LPAR1: variants seen among roughly 807,000 people sequenced by gnomAD.
LPAR1 encodes lysophosphatidic acid receptor 1.
Under a neutral mutation model 23.8 loss-of-function variants are expected in LPAR1, and 5 were observed. The ratio of observed to expected loss-of-function variants is 0.21; its 90% CI spans 0.11 to 0.44. LPAR1 has a LOEUF of 0.44. LPAR1 is among the 20% of genes least tolerant of loss of function. LPAR1 has a pLI of 0.99. For synonymous variants in LPAR1, 160 were observed against 164.7 expected (o/e 0.97, Z 0.22); for missense variants, 311 against 482.8 (o/e 0.64, Z 3.33).
chr9:111,036,286 T>C (rs750705542), intron 1 of LPAR1, 85 bp from the exon 2 acceptor site: 2 of 151,484 alleles, frequency 1.3e-5, no homozygotes, highest in African/African-American at 2.4e-5. Context: ...CCCTAGTGCA[T>C]TAGCTAAGCA....
chr9:110,955,284 C>A (rs1028407137), intron 4 of LPAR1, among the ~76,000 whole-genome samples: 1 of 152,050 alleles, frequency 6.6e-6, no homozygotes, highest in Non-Finnish European at 1.5e-5. Context: ...AACACAAGTA[C>A]CTATACACAT....
intron 2 of LPAR1, among the ~76,000 whole-genome samples, chr9:111,003,471 C>G (rs890705678): frequency 2.0e-5 from 3 of 152,078 alleles, no homozygotes; most frequent in Non-Finnish European, 4.4e-5. Flanking sequence ...ATAGAGTGAA[C>G]CACAAATCAA....
At chr9:110,959,556 T>G (rs1320856597) in intron 4 of LPAR1, among the ~76,000 whole-genome samples, 1 of 151,968 alleles carries the variant, frequency 6.6e-6, no homozygotes, top group East Asian at 1.9e-4. Flanking sequence ...TGGTGGAGGT[T>G]GCAGTGAGCT....
intron 5 of LPAR1, among the ~76,000 whole-genome samples, chr9:110,920,547 C>T (rs1168339268): frequency 6.6e-6 from 1 of 152,054 alleles, no homozygotes; most frequent in Non-Finnish European, 1.5e-5. Flanking sequence ...CAGAGAATAA[C>T]AATCTTCTTT....
chr9:110,879,563 T>C (rs1166299145), intron 5 of LPAR1, among the ~76,000 whole-genome samples: 1 of 152,160 alleles, frequency 6.6e-6, no homozygotes, highest in Non-Finnish European at 1.5e-5. Flanking sequence ...CCAGCATACA[T>C]TCTCAACCCT....
At chr9:111,030,374 A>C (rs2097774456) in intron 2 of LPAR1, among the ~76,000 whole-genome samples, 1 of 152,224 alleles carries the variant, frequency 6.6e-6, no homozygotes, top group Admixed American at 6.5e-5. Flanking sequence ...ACAAAAGGCA[A>C]TTCTGTTTCA....
intron 5 of LPAR1, among the ~76,000 whole-genome samples, chr9:110,940,937 C>CA (rs1258423651): frequency 5.3e-5 from 8 of 152,268 alleles, no homozygotes; most frequent in African/African-American, 9.6e-5. Flanking sequence ...CTGTTTTGTT[C>CA]AGTAAATCTA....
At chr9:111,020,144 A>G (rs2097536086) in intron 2 of LPAR1, among the ~76,000 whole-genome samples, 1 of 152,228 alleles carries the variant, frequency 6.6e-6, no homozygotes, top group Non-Finnish European at 1.5e-5. Flanking sequence ...TTATCTCCAA[A>G]TACAGCTACA....
intron 4 of LPAR1, among the ~76,000 whole-genome samples, chr9:110,943,865 CA>C (rs11361205): frequency 0.47 from 51,725 of 109,652 alleles, 10,089 homozygotes; most frequent in East Asian, 0.79. Context: ...AACTCCATCT[CA>C]AAAAAAAAAA....
chr9:110,966,188 C>A (rs980981698), intron 4 of LPAR1, among the ~76,000 whole-genome samples: 2 of 151,780 alleles, frequency 1.3e-5, no homozygotes, highest in Non-Finnish European at 2.9e-5. Flanking sequence ...GGGCTTAAAA[C>A]CTAGATGATG....
At chr9:110,953,035 T>C (rs2095619726) in intron 4 of LPAR1, among the ~76,000 whole-genome samples, 1 of 152,134 alleles carries the variant, frequency 6.6e-6, no homozygotes, top group African/African-American at 2.4e-5. Context: ...CGACTGGCCC[T>C]CCCAGCCTGT....
At chr9:110,966,293 A>G (rs1156452401) in intron 4 of LPAR1, among the ~76,000 whole-genome samples, 1 of 152,186 alleles carries the variant, frequency 6.6e-6, no homozygotes, top group African/African-American at 2.4e-5. Context: ...AGCCTGGCCA[A>G]CATAGTGAAA....
intron 4 of LPAR1, among the ~76,000 whole-genome samples, chr9:110,967,349 A>G (rs974312679): frequency 2.6e-5 from 4 of 152,340 alleles, no homozygotes; most frequent in African/African-American, 9.6e-5. Context: ...CAGCAATCCC[A>G]GCAGGCGTGA....
At chr9:110,891,334 C>T (rs939723411) in intron 5 of LPAR1, among the ~76,000 whole-genome samples, 3 of 152,086 alleles carry the variant, frequency 2.0e-5, no homozygotes, top group African/African-American at 7.2e-5. Flanking sequence ...GAAAAAATAC[C>T]TAAATAAATG....
chr9:110,908,569 G>T (rs2091823574), intron 5 of LPAR1, among the ~76,000 whole-genome samples: 3 of 152,172 alleles, frequency 2.0e-5, no homozygotes, highest in Non-Finnish European at 4.4e-5. Context: ...GGAACATTCT[G>T]GTCTTTCAGA....
At chr9:110,895,454 G>A (rs780448348) in intron 5 of LPAR1, among the ~76,000 whole-genome samples, 1 of 152,248 alleles carries the variant, frequency 6.6e-6, no homozygotes, top group Non-Finnish European at 1.5e-5. Flanking sequence ...CCTAGTCAGG[G>A]CCTAAGGCAG....
intron 5 of LPAR1, among the ~76,000 whole-genome samples, chr9:110,899,127 A>G (rs1315601808): frequency 6.6e-6 from 1 of 152,226 alleles, no homozygotes; most frequent in African/African-American, 2.4e-5. Flanking sequence ...TACTGGCTAC[A>G]TTTTGTTACA....
chr9:110,957,394 A>G (rs765190833), intron 4 of LPAR1, among the ~76,000 whole-genome samples: 1 of 152,038 alleles, frequency 6.6e-6, no homozygotes, highest in Non-Finnish European at 1.5e-5. Context: ...ATGCACCATG[A>G]TCAAGTAGGA....
At chr9:110,916,085 T>C (rs1265247399) in intron 5 of LPAR1, among the ~76,000 whole-genome samples, 1 of 152,236 alleles carries the variant, frequency 6.6e-6, no homozygotes, top group Non-Finnish European at 1.5e-5. Context: ...TACTACTATA[T>C]ACATTTAAAT....
Sources: allele counts gnomAD v4.1 joint callset (sites outside exome capture counted in the v4.1 genomes callset), GRCh38; gene constraint gnomAD v4.1.1; transcripts MANE v1.5; gene names NCBI Gene and HGNC (gene_info 2026-07-23, HGNC 2026-07-21).